Variants in PTH2R observed in about 807,000 individuals in gnomAD.
The protein encoded by PTH2R is PTH2 receptor.
Under a neutral mutation model 60.3 loss-of-function variants are expected in PTH2R, and 59 were observed. The ratio of observed to expected loss-of-function variants is 0.98; its 90% CI spans 0.79 to 1.22. The LOEUF (loss-of-function observed/expected upper bound fraction) is 1.22, where lower values mean the gene tolerates loss of function less well. Among genes scored for constraint, PTH2R ranks in the 50% most tolerant of loss-of-function variants. The probability of loss-of-function intolerance (pLI) is 0.00; values close to 1 mark genes in which losing one functional copy is unlikely to be tolerated. For missense variants in PTH2R, 749 were observed against 682.6 expected (o/e 1.10, Z -1.08); for synonymous variants, 256 against 243.8 (o/e 1.05, Z -0.47).
intron 2 of PTH2R, among the ~76,000 whole-genome samples, chr2:208,437,098 A>G (rs1042655334): frequency 1.3e-5 from 2 of 152,026 alleles, no homozygotes; most frequent in Non-Finnish European, 2.9e-5. Context: ...AAAAAGATAA[A>G]CCTGAGTCTT....
rs543169453 is a variant in PTH2R at position 208,398,905 on chromosome 2, C to T, written c.-258-29296C>T. ...AAACACCAGGCACAAATAAAACAGT[C>T]TTTTCTTGGAGAAGTCTGAGACCAT... On this transcript the variant is annotated intron_variant, in intron 1 of 12. Coordinates refer to the PTH2R transcript ENST00000617735. Among the ~76,000 whole-genome samples, 10 of 152,268 alleles carry T rather than the reference C, an allele frequency of 6.6e-5. No individual in the cohort carries two copies. The East Asian group carries it at 1.9e-3, about 29-fold the overall frequency.
intron 12 of PTH2R, among the ~76,000 whole-genome samples, chr2:208,491,418 G>T (rs781477378): frequency 1.3e-5 from 2 of 152,130 alleles, no homozygotes; most frequent in Non-Finnish European, 2.9e-5. Flanking sequence ...TAAAGAAAGA[G>T]GAAAGAAACC....
chr2:208,366,229 T>G (rs868511221), intron 1 of PTH2R, among the ~76,000 whole-genome samples: 1 of 151,746 alleles, frequency 6.6e-6, no homozygotes, highest in African/African-American at 2.4e-5. Flanking sequence ...TACTAGTTAT[T>G]GGTCTATTTA....
chr2:208,387,493 C>A (rs1701023564), intron 1 of PTH2R, among the ~76,000 whole-genome samples: 1 of 152,136 alleles, frequency 6.6e-6, no homozygotes, highest in African/African-American at 2.4e-5. Flanking sequence ...CCCCAAATGC[C>A]TAATCACTGA....
chr2:208,442,362 A>C lies in PTH2R; in HGVS notation c.412-2A>C, dbSNP rs1391177601. On this transcript the variant is annotated splice_acceptor_variant, in intron 4 of 12. Coordinates refer to ENST00000272847, the MANE Select transcript of PTH2R (RefSeq NM_005048.4). LOFTEE classifies it high-confidence loss of function. ...CATACATGAGCATCTCTTCCCTTGC[A>C]GCAAGAATTCTTTGAACGCCTCTAT... The C allele has an allele frequency of 1.2e-6, 2 of 1,604,312 alleles. No homozygotes were observed. The highest frequency in any genetic ancestry group is 2.7e-5 in the African/African-American group (2 of 74,742).
chr2:208,407,240 C>T (rs1559210616), intron 1 of PTH2R, 122 bp downstream of exon 1: 8 of 792,906 alleles, frequency 1.0e-5, no homozygotes, highest in African/African-American at 7.1e-5. Context: ...ACAAACGCCC[C>T]GGCACGCACC....
intron 10 of PTH2R, among the ~76,000 whole-genome samples, chr2:208,485,385 TC>T (rs1703248806): frequency 6.6e-6 from 1 of 152,132 alleles, no homozygotes. Context: ...AGTTGGTACA[TC>T]CCTGAATCAT....
At chr2:208,404,272 G>T (rs1449549188), upstream of PTH2R, among the ~76,000 whole-genome samples, 1 of 151,762 alleles carries the variant, frequency 6.6e-6, no homozygotes, top group Non-Finnish European at 1.5e-5. Flanking sequence ...ATTTAAGAGA[G>T]AGGAAATGGC....
At chr2:208,476,769 G>A (rs1287713971) in intron 9 of PTH2R, among the ~76,000 whole-genome samples, 1 of 152,150 alleles carries the variant, frequency 6.6e-6, no homozygotes, top group East Asian at 1.9e-4. Flanking sequence ...GTAAGGGAGT[G>A]AGGGAGAACC....
At chr2:208,464,268 A>G (rs376295611) in intron 9 of PTH2R, among the ~76,000 whole-genome samples, 2 of 152,308 alleles carry the variant, frequency 1.3e-5, no homozygotes, top group Middle Eastern at 3.4e-3. Context: ...TTTTCTTCCT[A>G]TGTGAGGTCC....
rs551176158 is a variant in PTH2R, at chr2:208,437,591, T to C, written c.233T>C (p.Val78Ala). 4 of 1,613,780 alleles carry C rather than the reference T, an allele frequency of 2.5e-6. No homozygotes were observed. Among genetic ancestry groups the C allele is most frequent in the South Asian group, 2.2e-5 (2 of 90,972 alleles). The change falls in exon 3 of 13, where the codon GTG (valine) becomes GCG (alanine). Residue 78 changes from valine to alanine, a missense_variant. Transcript: ENST00000272847. ...CTCATTTGTTGGCCCAGAGGAACAG[T>C]GGGGAAAATATCGGCTGTTCCATGC... ...DGLICWPRGT[V>A]GKISAVPCPP...
At chr2:208,374,546 CA>C (rs945327303) in intron 1 of PTH2R, among the ~76,000 whole-genome samples, 9 of 152,008 alleles carry the variant, frequency 5.9e-5, no homozygotes, top group African/African-American at 1.2e-4. Context: ...TCTTGTCGCC[CA>C]GCTGGAGTAC....
intron 1 of PTH2R, among the ~76,000 whole-genome samples, chr2:208,412,548 C>T (rs1040821925): frequency 4.6e-5 from 7 of 152,292 alleles, no homozygotes; most frequent in Non-Finnish European, 1.0e-4. Flanking sequence ...AAATGAACTC[C>T]ATCACTGAGT....
rs116491391 is a variant in PTH2R at position 208,360,034 on chromosome 2, G to C, written c.-462G>C. On this transcript the variant is annotated 5_prime_UTR_variant, in exon 1 of 13. Coordinates refer to the PTH2R transcript ENST00000617735. The stretch of plus-strand genomic sequence containing the variant: ...TCCCTATCCACCCACAGGTTTTTTG[G>C]GTCGGAGAGGAATTATCTGATAAAA... 1,482 of 336,096 alleles carry C rather than the reference G, an allele frequency of 4.4e-3. 26 individuals are homozygous for C. Among genetic ancestry groups the C allele is most frequent in the African/African-American group, 0.029 (1,345 of 46,522 alleles). 20.8% of individuals were successfully genotyped at this position (336,096 alleles called of 1,614,324 possible).
In PTH2R at chr2:208,493,710, G is replaced by A; in HGVS notation, c.*51G>A. On this transcript the variant is annotated 3_prime_UTR_variant, in exon 13 of 13. Coordinates refer to ENST00000272847, the MANE Select transcript of PTH2R (RefSeq NM_005048.4). ...GGGCTGGTCCAATGGCTGGTTGTGT[G>A]AGAGGGCTTGGCTGATACTCCTATG... 2 of 1,503,604 alleles carry A rather than the reference G, an allele frequency of 1.3e-6. No homozygotes were observed. The highest frequency in any genetic ancestry group is 1.8e-6 in the Non-Finnish European group (2 of 1,123,506). The allele number at this position is 1,503,604 out of a possible 1,614,324, so 93.1% of individuals were successfully genotyped here.
intron 1 of PTH2R, among the ~76,000 whole-genome samples, chr2:208,367,523 C>T (rs953544974): frequency 4.1e-5 from 6 of 148,114 alleles, no homozygotes; most frequent in African/African-American, 5.0e-5. Flanking sequence ...CAGACTCAAG[C>T]GATTTCTGGC....
At chr2:208,433,852 A>C (rs545443639) in intron 2 of PTH2R, among the ~76,000 whole-genome samples, 26 of 152,342 alleles carry the variant, frequency 1.7e-4, no homozygotes, top group African/African-American at 5.8e-4. Flanking sequence ...CTTCACTCAT[A>C]ATTAGTTTGT....
intron 1 of PTH2R, among the ~76,000 whole-genome samples, chr2:208,377,532 G>A (rs951627373): frequency 6.8e-6 from 1 of 147,232 alleles, no homozygotes; most frequent in Non-Finnish European, 1.5e-5. Flanking sequence ...CGGGGCGGCT[G>A]GCCGGGCGGG....
At position 208,443,476 on chromosome 2, in the gene PTH2R, T is replaced by C; in HGVS notation, c.638T>C (p.Leu213Pro). 1 of 1,613,584 alleles carries C rather than the reference T, an allele frequency of 6.2e-7. No homozygotes were observed. The change falls in exon 6 of 13, where the codon CTA (leucine) becomes CCA (proline). Residue 213 changes from leucine (L) to proline (P), a missense_variant. Transcript: ENST00000272847. ...ATAGGAGTAAAGGAGCTGGAGTCCC[T>C]AATAATGCAGGATGACCCACAAAAT... ...AHIGVKELES[L>P]IMQDDPQNSI...
Sources: gnomAD v4.1 joint callset for allele counts (sites outside exome capture counted in the v4.1 genomes callset) on GRCh38, gnomAD v4.1.1 for gene constraint, MANE v1.5 for transcripts, NCBI Gene and HGNC (gene_info 2026-07-23, HGNC 2026-07-21) for gene names.